Variants in CYFIP2 observed in about 807,000 individuals in gnomAD.
CYFIP2 encodes the protein cytoplasmic FMR1-interacting protein 2.
Under a neutral mutation model 158.7 loss-of-function variants are expected in CYFIP2, and 29 were observed. The observed-to-expected ratio is 0.18, with a 90% CI of 0.14 to 0.25. The LOEUF (loss-of-function observed/expected upper bound fraction) is 0.25. CYFIP2 is among the 10% of genes least tolerant of loss of function. The pLI is 1.00. For synonymous variants in CYFIP2, 585 were observed against 617.6 expected, an observed-to-expected ratio of 0.95 and a Z score of 0.78; for missense variants, 852 against 1,639.5, an observed-to-expected ratio of 0.52 and a Z score of 8.29.
At chr5:157,267,175 C>G (rs976184683) in intron 1 of CYFIP2, among the ~76,000 whole-genome samples, 1 of 152,218 alleles carries the variant, frequency 6.6e-6, no homozygotes, top group Admixed American at 6.5e-5. Context: ...GAAACACTCA[C>G]CAGGGCTGAT....
In CYFIP2 at chr5:157,335,012, G is replaced by A. The variant is rs544360408; in HGVS notation, c.2385+1566G>A. On this transcript the variant is annotated intron_variant, in intron 21 of 30. Coordinates refer to ENST00000620254, the MANE Select transcript of CYFIP2 (RefSeq NM_001037333.3). ...TGCTGTTTTTACAACTTTTCTGTAA[G>A]TCTAACATTATTTTTAAATAAAGTT... 2.6e-5 allele frequency among the ~76,000 whole-genome samples: 4 copies of A among 152,322 alleles called. No individual in the cohort carries two copies. The South Asian group carries it at 8.3e-4, about 32-fold the overall frequency.
chr5:157,342,651 G>C (rs917942719), intron 23 of CYFIP2: 2 of 509,640 alleles, frequency 3.9e-6, no homozygotes, highest in Admixed American at 3.4e-5. Context: ...CGCTGCTGCT[G>C]AGATGCCTCG....
intron 10 of CYFIP2, chr5:157,310,988 C>T (rs1759665198): frequency 2.2e-6 from 1 of 455,696 alleles, no homozygotes; most frequent in African/African-American, 2.0e-5. Context: ...CATTCATTTC[C>T]TCTCTGACTT....
At chr5:157,368,107 T>A (rs1764601004) in intron 26 of CYFIP2, among the ~76,000 whole-genome samples, 1 of 152,200 alleles carries the variant, frequency 6.6e-6, no homozygotes, top group African/African-American at 2.4e-5. Flanking sequence ...TTTTATGTTC[T>A]AGCAGATTTT....
intron 26 of CYFIP2, among the ~76,000 whole-genome samples, chr5:157,374,601 G>A (rs540799698): frequency 2.0e-5 from 3 of 152,140 alleles, no homozygotes; most frequent in Non-Finnish European, 2.9e-5. Flanking sequence ...CATTTGTCTT[G>A]CTTTGGTATC....
intron 26 of CYFIP2, among the ~76,000 whole-genome samples, chr5:157,368,108 A>C (rs1764601280): frequency 1.3e-5 from 2 of 152,202 alleles, no homozygotes; most frequent in East Asian, 1.9e-4. Context: ...TTTATGTTCT[A>C]GCAGATTTTC....
At chr5:157,307,285 C>T (rs1374418674) in intron 8 of CYFIP2, among the ~76,000 whole-genome samples, 1 of 152,206 alleles carries the variant, frequency 6.6e-6, no homozygotes, top group Non-Finnish European at 1.5e-5. Context: ...CCCTGGGATA[C>T]AGCAAGGAGC....
Position 157,311,046 on chromosome 5 carries a change from C to A in CYFIP2, c.993-618C>A, listed in dbSNP as rs776660935. ...CTTTTCACAAGGCGTGGAAAAAAGG[C>A]GGAGGGAAGGAGGAAAGAGGGTGGA... On this transcript the variant is annotated intron_variant, in intron 10 of 30. Coordinates refer to ENST00000620254, the MANE Select transcript of CYFIP2 (RefSeq NM_001037333.3). The surrounding 1 kb of genome is among the most constrained non-coding windows in gnomAD (Gnocchi z 4.7). 1 of 433,386 alleles carries A rather than the reference C, an allele frequency of 2.3e-6. No homozygotes were observed. The highest frequency in any genetic ancestry group is 7.3e-5 in the East Asian group (1 of 13,718). The allele number at this position is 433,386 out of a possible 1,614,324, so 26.8% of individuals were successfully genotyped here. A position where few individuals can be genotyped will look rare whatever the true frequency, so the allele number is the denominator to read the frequency against.
chr5:157,372,767 G>A lies in CYFIP2; in HGVS notation c.3040-9823G>A, dbSNP rs115771843. Reference sequence around the variant, plus strand: ...TTAAGATCCAAGAAAGACAAATGAAGCCAGGGAAGCTGGCCGGTCCAAATT... The same window carrying A: ...TTAAGATCCAAGAAAGACAAATGAAACCAGGGAAGCTGGCCGGTCCAAATT... On this transcript the variant is annotated intron_variant, in intron 26 of 30. Transcript: ENST00000620254. 4.7e-3 allele frequency among the ~76,000 whole-genome samples: 710 copies of A among 152,272 alleles called. 3 individuals carry two copies. Among genetic ancestry groups the A allele is most frequent in the African/African-American group, 0.016 (672 of 41,552 alleles).
In CYFIP2 at chr5:157,345,442, C is replaced by A. The variant is rs1350499945; in HGVS notation, c.2673+4285C>A. 5.2e-5 allele frequency: 8 copies of A among 152,576 alleles called. No homozygotes were observed. In the East Asian group the frequency reaches 1.5e-3, roughly 29 times the overall value. 9.5% of individuals were successfully genotyped at this position (152,576 alleles called of 1,614,324 possible). A position where few individuals can be genotyped will look rare whatever the true frequency, so the allele number is the denominator to read the frequency against. ...CTTCCTCTGTTTCCGTTTCTAAATT[C>A]TCCCCTATTTTTAACTATTCATTTG... is the stretch of plus-strand genomic sequence containing the variant. On this transcript the variant is annotated intron_variant, in intron 23 of 30. Coordinates refer to ENST00000620254, the MANE Select transcript of CYFIP2 (RefSeq NM_001037333.3).
chr5:157,339,068 G>T lies in CYFIP2; in HGVS notation c.2397G>T (p.Trp799Cys). ...EDLTSIVELEWLLEINRLTHR... is the reference protein window; with the variant it reads ...EDLTSIVELECLLEINRLTHR... ...CTCTCTCTGTACAGGAGCTGGAGTGGCTGCTGGAGATTAACCGGCTCACGC... is the reference window on the plus strand; with the variant it reads ...CTCTCTCTGTACAGGAGCTGGAGTGTCTGCTGGAGATTAACCGGCTCACGC... Residue 799 changes from tryptophan (W) to cysteine (C), a missense_variant, in exon 22 of 31, where the codon TGG becomes TGT. Transcript: ENST00000620254. The T allele has an allele frequency of 6.2e-7, 1 of 1,610,558 alleles. No homozygotes were observed. Among genetic ancestry groups the T allele is most frequent in the Non-Finnish European group, 8.5e-7 (1 of 1,178,554 alleles).
chr5:157,294,407 G>A (rs1053896651), intron 3 of CYFIP2, among the ~76,000 whole-genome samples: 4 of 152,128 alleles, frequency 2.6e-5, no homozygotes, highest in South Asian at 2.1e-4. Context: ...TTTCTGTTTT[G>A]TTTTTTAACC....
At chr5:157,319,683 C>A in intron 13 of CYFIP2, 79 bp from the exon 14 acceptor site, 1 of 1,543,234 alleles carries the variant, frequency 6.5e-7, no homozygotes, top group Non-Finnish European at 8.8e-7. Context: ...CCCCGCCTCC[C>A]CTGGCAGGGC....
chr5:157,348,171 G>T (rs1442369923), intron 23 of CYFIP2, among the ~76,000 whole-genome samples: 2 of 152,250 alleles, frequency 1.3e-5, no homozygotes, highest in African/African-American at 4.8e-5. Flanking sequence ...TAGGAGCAAG[G>T]TTCTTCCACC....
At position 157,395,531 on chromosome 5, in the gene CYFIP2, T is replaced by A. The variant is rs1423989375; in HGVS notation, c.*2531T>A. The A allele has an allele frequency of 6.9e-6, 6 of 866,420 alleles. No individual in the cohort carries two copies. In the South Asian group the frequency reaches 8.4e-5, roughly 12 times the overall value. 53.7% of individuals were successfully genotyped at this position (866,420 alleles called of 1,614,324 possible). A position where few individuals can be genotyped will look rare whatever the true frequency, so the allele number is the denominator to read the frequency against. On this transcript the variant is annotated 3_prime_UTR_variant, in exon 31 of 31. Coordinates refer to ENST00000620254, the MANE Select transcript of CYFIP2 (RefSeq NM_001037333.3). The stretch of plus-strand genomic sequence containing the variant: ...GATATTTTGATTTGTATTTTGGGGG[T>A]ACCTGTGTTGAGTTGATAAACATTT...
chr5:157,367,456 A>T (rs953549013), intron 26 of CYFIP2, among the ~76,000 whole-genome samples: 1 of 152,230 alleles, frequency 6.6e-6, no homozygotes, highest in Non-Finnish European at 1.5e-5. Context: ...TGATTTTCCC[A>T]GCATTACAGC....
intron 13 of CYFIP2, among the ~76,000 whole-genome samples, chr5:157,317,869 T>A (rs1760275152): frequency 6.6e-6 from 1 of 152,216 alleles, no homozygotes; most frequent in Non-Finnish European, 1.5e-5. Flanking sequence ...CTTTTTTTCT[T>A]GGAGGCATTC....
At position 157,395,032 on chromosome 5, in the gene CYFIP2, G is replaced by A. The variant is rs956552473; in HGVS notation, c.*2032G>A. On this transcript the variant is annotated 3_prime_UTR_variant, in exon 31 of 31. Coordinates refer to ENST00000620254, the MANE Select transcript of CYFIP2 (RefSeq NM_001037333.3). ...AAATCCTTGACCACGACTTCATGGA[G>A]ATTTGAATAATCTATTTGATGAGAT... 6.5e-6 allele frequency: 1 copy of A among 154,272 alleles called. No individual in the cohort carries two copies. The highest frequency in any genetic ancestry group is 1.4e-5 in the Non-Finnish European group (1 of 69,692). The allele number at this position is 154,272 out of a possible 1,614,324, so 9.6% of individuals were successfully genotyped here. A position where few individuals can be genotyped will look rare whatever the true frequency, so the allele number is the denominator to read the frequency against.
chr5:157,378,741 A>G (rs1190986351), intron 26 of CYFIP2, among the ~76,000 whole-genome samples: 3 of 152,188 alleles, frequency 2.0e-5, no homozygotes, highest in African/African-American at 7.2e-5. Flanking sequence ...GTCCAGAAGC[A>G]TAAAGCAGGC....
Sources: allele counts gnomAD v4.1 joint callset (sites outside exome capture counted in the v4.1 genomes callset), GRCh38; gene constraint gnomAD v4.1.1; non-coding constraint Gnocchi (gnomAD v3.1); transcripts MANE v1.5; gene names NCBI Gene and HGNC (gene_info 2026-07-23, HGNC 2026-07-21).